SLC39A10: variants seen among roughly 807,000 people sequenced by gnomAD.
SLC39A10 encodes the protein solute carrier family 39 member 10.
In SLC39A10, 13 loss-of-function variants were observed where a neutral mutation model predicts 65.1. The ratio of observed to expected loss-of-function variants is 0.20; its 90% CI spans 0.13 to 0.32. The LOEUF (loss-of-function observed/expected upper bound fraction) is 0.32, where lower values mean the gene tolerates loss of function less well. Ranked by LOEUF, SLC39A10 falls within the 10% of genes least tolerant of loss-of-function variation. The pLI is 1.00. For synonymous variants in SLC39A10, 321 were observed against 342.2 expected (o/e 0.94, Z 0.68); for missense variants, 831 against 1,018.4 (o/e 0.82, Z 2.50).
rs766301574 is a variant in SLC39A10 at position 195,713,524 on chromosome 2, C to G, written c.1667C>G (p.Ser556Cys). 6.3e-6 allele frequency: 10 copies of G among 1,577,064 alleles called. No homozygotes were observed. In the South Asian group the frequency reaches 1.2e-4, roughly 19 times the overall value. ...CACAAGTTAAACAATACACCAGATT[C>G]TGACTGGCTTCAACTCAAGCCTCTT... ...SDHKLNNTPD[S>C]DWLQLKPLAG... is the part of the protein sequence containing the mutation. Residue 556 changes from serine to cysteine, a missense_variant, in exon 6 of 10, where the codon TCT becomes TGT. Physicochemically the swap from Ser to Cys is moderately radical, Grantham distance 112. Coordinates refer to ENST00000359634, the MANE Select transcript of SLC39A10 (RefSeq NM_020342.3).
intron 1 of SLC39A10, among the ~76,000 whole-genome samples, chr2:195,676,875 T>C (rs1270400768): frequency 2.6e-5 from 4 of 152,240 alleles, no homozygotes; most frequent in Non-Finnish European, 5.9e-5. Context: ...AGATTTTATG[T>C]ACCTTATGCA....
chr2:195,615,385 A>C (rs1688183519), intron 2 of SLC39A10, among the ~76,000 whole-genome samples: 1 of 151,988 alleles, frequency 6.6e-6, no homozygotes, highest in Non-Finnish European at 1.5e-5. Flanking sequence ...CTGGTTTCTA[A>C]CTCCTGTCTT....
At chr2:195,659,920 G>A (rs1689318431) in intron 1 of SLC39A10, among the ~76,000 whole-genome samples, 1 of 151,920 alleles carries the variant, frequency 6.6e-6, no homozygotes, top group South Asian at 2.1e-4. Context: ...CCTTTGGGGG[G>A]GATACATTAT....
chr2:195,613,442 C>G (rs1339514566), intron 2 of SLC39A10, among the ~76,000 whole-genome samples: 1 of 152,128 alleles, frequency 6.6e-6, no homozygotes, highest in Non-Finnish European at 1.5e-5. Flanking sequence ...TATAAAATTA[C>G]AAAGGAATGG....
At chr2:195,650,020 A>G (rs574180672) in intron 2 of SLC39A10, among the ~76,000 whole-genome samples, 17 of 152,342 alleles carry the variant, frequency 1.1e-4, no homozygotes, top group African/African-American at 3.8e-4. Flanking sequence ...AGGTATAAAT[A>G]GGTAATACAA....
intron 1 of SLC39A10, among the ~76,000 whole-genome samples, chr2:195,667,506 C>G (rs1382161955): frequency 6.6e-6 from 1 of 152,164 alleles, no homozygotes; most frequent in Non-Finnish European, 1.5e-5. Context: ...GATGCATGTG[C>G]TCTTGTAATA....
chr2:195,627,567 A>G (rs1688500346), intron 2 of SLC39A10, among the ~76,000 whole-genome samples: 1 of 152,204 alleles, frequency 6.6e-6, no homozygotes, highest in Non-Finnish European at 1.5e-5. Context: ...TTCACTCTCC[A>G]TGGAGCAACT....
Position 195,680,806 on chromosome 2 carries a change from A to G in SLC39A10, c.764A>G (p.His255Arg), listed in dbSNP as rs761343151. ...ATTACACCAGGTTTTCCCCCTAACCATGATCAGGGTGAACAGTATGAGCAT... is the reference window on the plus strand; with the variant it reads ...ATTACACCAGGTTTTCCCCCTAACCGTGATCAGGGTGAACAGTATGAGCAT... Reference protein sequence around the residue: ...EVITPGFPPNHDQGEQYEHNR... With the variant: ...EVITPGFPPNRDQGEQYEHNR... Residue 255 changes from histidine (H) to arginine (R), a missense_variant, in exon 2 of 10, where the codon CAT becomes CGT. Physicochemically the swap from His to Arg is conservative, Grantham distance 29. This residue lies in a region of SLC39A10 where 446 missense variants were observed against 499.2 expected (regional missense o/e 0.89). Transcript: ENST00000359634. 5 of 1,614,158 alleles carry G rather than the reference A, an allele frequency of 3.1e-6. No individual in the cohort carries two copies. The highest frequency in any genetic ancestry group is 4.2e-6 in the Non-Finnish European group (5 of 1,180,020).
At chr2:195,647,346 G>C (rs1688943248) in intron 2 of SLC39A10, among the ~76,000 whole-genome samples, 1 of 151,826 alleles carries the variant, frequency 6.6e-6, no homozygotes, top group Non-Finnish European at 1.5e-5. Flanking sequence ...CCTCAGGGTA[G>C]CATTCAGACT....
chr2:195,650,230 C>G (rs1472441241), intron 2 of SLC39A10, among the ~76,000 whole-genome samples: 4 of 148,930 alleles, frequency 2.7e-5, no homozygotes, highest in Non-Finnish European at 5.9e-5. Context: ...TGCAGTGAGC[C>G]GAGATCCCAC....
At chr2:195,668,354 C>T (rs969953928) in intron 1 of SLC39A10, among the ~76,000 whole-genome samples, 3 of 152,192 alleles carry the variant, frequency 2.0e-5, no homozygotes, top group African/African-American at 7.2e-5. Context: ...ACTGTATATA[C>T]ATTTATTGAA....
At chr2:195,616,667 C>G (rs1574473827) in intron 2 of SLC39A10, among the ~76,000 whole-genome samples, 1 of 149,038 alleles carries the variant, frequency 6.7e-6, no homozygotes, top group East Asian at 2.0e-4. Flanking sequence ...GCAGTGGTGC[C>G]ATCTCGGCTC....
At chr2:195,653,774 G>A (rs952437067), upstream of SLC39A10, among the ~76,000 whole-genome samples, 1 of 152,206 alleles carries the variant, frequency 6.6e-6, no homozygotes, top group Non-Finnish European at 1.5e-5. Flanking sequence ...TCTAGGCATA[G>A]CTTTGTCTAA....
Position 195,660,316 on chromosome 2 carries a change from T to TGGGAAATGGAA in SLC39A10, c.-12+3037_-12+3047dup, listed in dbSNP as rs1689338898. 5.9e-5 allele frequency among the ~76,000 whole-genome samples: 9 copies of TGGGAAATGGAA among 152,298 alleles called. No individual in the cohort carries two copies. The South Asian group carries it at 1.2e-3, about 21-fold the overall frequency. ...CATAGTTGCAAAAGAAAGTACACAATGGGAAATGGAAGAGAAATGTAGGGA... is the reference window on the plus strand; with the variant it reads ...CATAGTTGCAAAAGAAAGTACACAATGGGAAATGGAAGGGAAATGGAAGAGAAATGTAGGGA... On this transcript the variant is annotated intron_variant, in intron 1 of 9. Coordinates refer to ENST00000359634, the MANE Select transcript of SLC39A10 (RefSeq NM_020342.3).
intron 8 of SLC39A10, among the ~76,000 whole-genome samples, chr2:195,722,334 A>G (rs1692073288): frequency 6.6e-6 from 1 of 152,242 alleles, no homozygotes; most frequent in Non-Finnish European, 1.5e-5. Context: ...CTACTAGGGA[A>G]GAAACAGTGT....
At chr2:195,668,899 A>G (rs140347396) in intron 1 of SLC39A10, among the ~76,000 whole-genome samples, 2,887 of 152,236 alleles carry the variant, frequency 0.019, 46 homozygotes, top group Admixed American at 0.031. Context: ...CCTGGCCAAC[A>G]TAGTGAAACC....
intron 2 of SLC39A10, among the ~76,000 whole-genome samples, chr2:195,682,771 C>G (rs568291109): frequency 6.6e-6 from 1 of 151,462 alleles, no homozygotes; most frequent in South Asian, 2.1e-4. Flanking sequence ...ATGTTCAATA[C>G]TTTTAATAGA....
At chr2:195,734,828 A>C in intron 9 of SLC39A10, 55 bp from the exon 10 acceptor site, 1 of 1,482,968 alleles carries the variant, frequency 6.7e-7, no homozygotes, top group Non-Finnish European at 9.0e-7. Flanking sequence ...GTTTTTAAAA[A>C]CTGTTTTGAG....
At chr2:195,718,943 AT>A in intron 8 of SLC39A10, among the ~76,000 whole-genome samples, 1 of 151,936 alleles carries the variant, frequency 6.6e-6, no homozygotes, top group East Asian at 1.9e-4. Flanking sequence ...CATTTTATAT[AT>A]TTTAATATTA....
Sources: allele counts gnomAD v4.1 joint callset (sites outside exome capture counted in the v4.1 genomes callset), GRCh38; gene constraint gnomAD v4.1.1; regional missense constraint gnomAD v4.1.1; transcripts MANE v1.5; gene names NCBI Gene and HGNC (gene_info 2026-07-23, HGNC 2026-07-21).